The following GNAO1 variants were observed in gnomAD, a reference collection of about 807,000 sequenced individuals.
The protein encoded by GNAO1 is G protein subunit alpha o1, also known as guanine nucleotide-binding protein G(o) subunit alpha.
For synonymous variants in GNAO1, 164 were observed against 180.7 expected (o/e 0.91, Z 0.74); for missense variants, 166 against 478.7 (o/e 0.35, Z 6.10).
intron 3 of GNAO1, among the ~76,000 whole-genome samples, chr16:56,278,531 A>T (rs1029001962): frequency 6.6e-6 from 1 of 152,184 alleles, no homozygotes; most frequent in Non-Finnish European, 1.5e-5. Flanking sequence ...ATGAGGAGAC[A>T]TGCCAGGCCA....
At chr16:56,350,110 G>C (rs1331357266) in intron 6 of GNAO1, among the ~76,000 whole-genome samples, 1 of 152,152 alleles carries the variant, frequency 6.6e-6, no homozygotes, top group Non-Finnish European at 1.5e-5. Flanking sequence ...TCTGCTCAGA[G>C]GGGGGCGGTG....
At chr16:56,192,724 G>A in intron 2 of GNAO1, 108 bp downstream of exon 2, 1 of 629,770 alleles carries the variant, frequency 1.6e-6, no homozygotes. Context: ...TTTTTAATTC[G>A]TGCACACACA....
chr16:56,284,411 C>T (rs1318223982), intron 3 of GNAO1, among the ~76,000 whole-genome samples: 2 of 152,214 alleles, frequency 1.3e-5, no homozygotes, highest in South Asian at 2.1e-4. Context: ...GCCTGAGACC[C>T]GGCTACTGGT....
chr16:56,252,469 A>G (rs1447359088), intron 2 of GNAO1, among the ~76,000 whole-genome samples: 1 of 152,224 alleles, frequency 6.6e-6, no homozygotes, highest in Admixed American at 6.5e-5. Context: ...CAAGCTTCCA[A>G]GTAACACAGA....
chr16:56,237,589 A>G (rs550438259), intron 2 of GNAO1, among the ~76,000 whole-genome samples: 2 of 152,304 alleles, frequency 1.3e-5, no homozygotes, highest in East Asian at 1.9e-4. Flanking sequence ...TCCATTTCCA[A>G]ACTGGAATTC....
chr16:56,344,499 C>T, intron 6 of GNAO1: 2 of 989,960 alleles, frequency 2.0e-6, no homozygotes, highest in Non-Finnish European at 2.4e-6. Flanking sequence ...CGTCTCCCTG[C>T]TCCCTCCCCT....
intron 6 of GNAO1, chr16:56,344,249 C>T (rs2037840370): frequency 7.5e-7 from 1 of 1,338,016 alleles, no homozygotes; most frequent in Non-Finnish European, 9.6e-7. Context: ...GGGCAGGGCC[C>T]AGATGGGCAC....
intron 2 of GNAO1, among the ~76,000 whole-genome samples, chr16:56,224,721 T>A (rs2036519668): frequency 6.6e-6 from 1 of 152,194 alleles, no homozygotes; most frequent in African/African-American, 2.4e-5. Context: ...CCTCAAGTGA[T>A]CCACCAAAGT....
intron 2 of GNAO1, among the ~76,000 whole-genome samples, chr16:56,250,982 A>T (rs1307641903): frequency 6.6e-6 from 1 of 152,210 alleles, no homozygotes; most frequent in Non-Finnish European, 1.5e-5. Context: ...ATGTTGGCAA[A>T]GAGGTGAAAG....
At chr16:56,264,557 C>T (rs778082073) in intron 2 of GNAO1, among the ~76,000 whole-genome samples, 58 of 152,166 alleles carry the variant, frequency 3.8e-4, no homozygotes, top group Admixed American at 1.6e-3. Context: ...TTAAAAATGG[C>T]ATCTTTATAA....
chr16:56,342,738 C>T (rs1249521957), intron 6 of GNAO1, among the ~76,000 whole-genome samples: 9 of 152,352 alleles, frequency 5.9e-5, no homozygotes, highest in Admixed American at 3.9e-4. Flanking sequence ...GGGTGTGCAT[C>T]GACCAGGGCT....
chr16:56,306,500 G>T (rs1418464138), intron 3 of GNAO1, among the ~76,000 whole-genome samples: 6 of 152,306 alleles, frequency 3.9e-5, no homozygotes, highest in African/African-American at 1.4e-4. Flanking sequence ...ATGACCAGCT[G>T]TCCCCAAGAC....
chr16:56,213,709 A>G (rs559248395), intron 2 of GNAO1, among the ~76,000 whole-genome samples: 1 of 152,274 alleles, frequency 6.6e-6, no homozygotes, highest in East Asian at 1.9e-4. Flanking sequence ...ATGGAGGTGA[A>G]GGAGCCAGCC....
intron 2 of GNAO1, among the ~76,000 whole-genome samples, chr16:56,256,718 C>CTCTCTCTG (rs1295470655): frequency 6.1e-4 from 44 of 72,304 alleles, no homozygotes; most frequent in Non-Finnish European, 1.1e-3. Context: ...CTCTCTCTCT[C>CTCTCTCTG]TGTGTGTGTG....
At chr16:56,322,268 A>G (rs2398146) in intron 3 of GNAO1, among the ~76,000 whole-genome samples, 125,816 of 151,622 alleles carry the variant, frequency 0.83, 52,564 homozygotes, top group East Asian at 0.97. Context: ...CCCAGAGAAC[A>G]TGCATGTGTT....
rs544033734 is a variant in GNAO1 at position 56,252,924 on chromosome 16, C to T, written c.162-23007C>T. Among the ~76,000 whole-genome samples, 5 of 152,314 alleles carry T rather than the reference C, an allele frequency of 3.3e-5. No individual in the cohort carries two copies. In the East Asian group the frequency reaches 7.7e-4, roughly 24 times the overall value. On this transcript the variant is annotated intron_variant, in intron 2 of 8. Coordinates refer to ENST00000262493, the MANE Select transcript of GNAO1 (RefSeq NM_020988.3). Reference sequence around the variant, plus strand: ...CTCTTGGTATGGGAAGTGCAAGTCACCCTGAGGAGGTGCCGTCCATGCTGG... The same window carrying T: ...CTCTTGGTATGGGAAGTGCAAGTCATCCTGAGGAGGTGCCGTCCATGCTGG...
chr16:56,273,627 C>T (rs1452681816), intron 2 of GNAO1, among the ~76,000 whole-genome samples: 1 of 152,106 alleles, frequency 6.6e-6, no homozygotes. Context: ...TTTTGTTGTT[C>T]TCATGTAAAG....
intron 3 of GNAO1, among the ~76,000 whole-genome samples, chr16:56,293,589 AAT>A (rs1331086782): frequency 6.6e-6 from 1 of 152,186 alleles, no homozygotes; most frequent in Non-Finnish European, 1.5e-5. Context: ...ACTTTGGTGG[AAT>A]ATGAGATTAA....
At position 56,290,072 on chromosome 16, in the gene GNAO1, C is replaced by T. The variant is rs1284680900; in HGVS notation, c.303+14000C>T. On this transcript the variant is annotated intron_variant, in intron 3 of 8. Transcript: ENST00000262493. ...CCTGCCACAGGCTCTGCTGCTGACT[C>T]TTTAAATGCCACGACCTCCTGGCCT... is the stretch of plus-strand genomic sequence containing the variant. Among the ~76,000 whole-genome samples, 3 of 152,368 alleles carry T rather than the reference C, an allele frequency of 2.0e-5. No individual in the cohort carries two copies. In the East Asian group the frequency reaches 5.8e-4, roughly 29 times the overall value.
Sources: gnomAD v4.1 joint callset for allele counts (sites outside exome capture counted in the v4.1 genomes callset) on GRCh38, gnomAD v4.1.1 for gene constraint, MANE v1.5 for transcripts, NCBI Gene and HGNC (gene_info 2026-07-23, HGNC 2026-07-21) for gene names.